The following HESX1 variants were observed in gnomAD, a reference collection of about 807,000 sequenced individuals.
HESX1 encodes HESX homeobox 1.
Under a neutral mutation model 22.5 loss-of-function variants are expected in HESX1, and 11 were observed. That is an observed-to-expected ratio of 0.49 (90% CI 0.31 to 0.81). The LOEUF is 0.81. Ranked by LOEUF, HESX1 falls within the 30% of genes least tolerant of loss-of-function variation. HESX1 has a pLI of 0.05. For synonymous variants in HESX1, 74 were observed against 76.5 expected (o/e 0.97, Z 0.17); for missense variants, 201 against 212.6 (o/e 0.95, Z 0.34).
intron 1 of HESX1, among the ~76,000 whole-genome samples, chr3:57,223,521 G>A (rs2060626556): frequency 6.6e-6 from 1 of 152,192 alleles, no homozygotes; most frequent in South Asian, 2.1e-4. Context: ...GTGGCACAAT[G>A]AAGAACCAAC....
At chr3:57,210,496 C>A (rs1318104509) in intron 1 of HESX1, among the ~76,000 whole-genome samples, 3 of 152,140 alleles carry the variant, frequency 2.0e-5, no homozygotes, top group Admixed American at 2.0e-4. Flanking sequence ...TCCAGTGAAC[C>A]TTGCCCCTTC....
At chr3:57,220,498 T>G (rs937033883) in intron 1 of HESX1, among the ~76,000 whole-genome samples, 1 of 152,140 alleles carries the variant, frequency 6.6e-6, no homozygotes, top group Non-Finnish European at 1.5e-5. Flanking sequence ...GGTGCGATCT[T>G]GGCTCACCGC....
intron 1 of HESX1, among the ~76,000 whole-genome samples, chr3:57,217,180 G>A (rs1310698584): frequency 6.6e-6 from 1 of 152,092 alleles, no homozygotes; most frequent in Non-Finnish European, 1.5e-5. Context: ...CAAAATCTGG[G>A]CTGTATGTGT....
intron 1 of HESX1, among the ~76,000 whole-genome samples, chr3:57,208,296 A>T (rs78763738): frequency 1.1e-4 from 16 of 152,246 alleles, no homozygotes; most frequent in African/African-American, 3.9e-4. Flanking sequence ...TTAACTTGTC[A>T]ATGTTATGTA....
At chr3:57,201,623 G>C (rs2060486929), upstream of HESX1, among the ~76,000 whole-genome samples, 1 of 149,788 alleles carries the variant, frequency 6.7e-6, no homozygotes, top group Non-Finnish European at 1.5e-5. Flanking sequence ...GGGTAAGAAT[G>C]AGAAAAGGAA....
intron 1 of HESX1, among the ~76,000 whole-genome samples, chr3:57,213,152 A>G (rs965734758): frequency 6.6e-6 from 1 of 152,202 alleles, no homozygotes; most frequent in African/African-American, 2.4e-5. Context: ...TTATCAATCT[A>G]TACCCCAGAT....
chr3:57,199,611 CTCTG>C (rs1382783849), intron 1 of HESX1, 147 bp downstream of exon 1: 3 of 384,126 alleles, frequency 7.8e-6, no homozygotes, highest in Non-Finnish European at 7.9e-6. Context: ...AAGACCAACA[CTCTG>C]TCTCAGAAAA....
At chr3:57,202,619 G>T (rs1164915265), upstream of HESX1, among the ~76,000 whole-genome samples, 2 of 152,194 alleles carry the variant, frequency 1.3e-5, no homozygotes, top group Admixed American at 1.3e-4. Context: ...TTACAGGTGT[G>T]AGCCACCACC....
chr3:57,212,557 C>CAAAAAAAAAAAAAA (rs56093005), intron 1 of HESX1, among the ~76,000 whole-genome samples: 864 of 79,970 alleles, frequency 0.011, 62 homozygotes, highest in African/African-American at 0.046. Flanking sequence ...GACTCTGTCT[C>CAAAAAAAAAAAAAA]AAAAAAAAAA....
chr3:57,217,831 G>A (rs1443958948), intron 1 of HESX1, among the ~76,000 whole-genome samples: 2 of 151,812 alleles, frequency 1.3e-5, no homozygotes, highest in South Asian at 2.1e-4. Flanking sequence ...TCCAACATCC[G>A]GCCACCAAAC....
chr3:57,212,404 C>T (rs891208300), intron 1 of HESX1, among the ~76,000 whole-genome samples: 1 of 151,746 alleles, frequency 6.6e-6, no homozygotes, highest in Non-Finnish European at 1.5e-5. Flanking sequence ...ACTAAAAATA[C>T]AAAAATTAGC....
chr3:57,199,531 A>G (rs1288795645), intron 1 of HESX1, among the ~76,000 whole-genome samples: 2 of 152,030 alleles, frequency 1.3e-5, no homozygotes, highest in African/African-American at 4.8e-5. Flanking sequence ...AGGCAGGAGA[A>G]TCGTTTGAAC....
intron 1 of HESX1, among the ~76,000 whole-genome samples, chr3:57,217,504 T>C (rs535564990): frequency 1.3e-5 from 2 of 152,258 alleles, no homozygotes; most frequent in African/African-American, 2.4e-5. Flanking sequence ...CTCACAGAGA[T>C]GGCTTCCTTA....
At chr3:57,224,872 TAC>T (rs1385286022) in intron 1 of HESX1, among the ~76,000 whole-genome samples, 3 of 152,340 alleles carry the variant, frequency 2.0e-5, no homozygotes, top group Admixed American at 6.5e-5. Context: ...TTGTAAATTA[TAC>T]GTGTGAAATG....
chr3:57,215,322 G>A (rs2060576988), intron 1 of HESX1, among the ~76,000 whole-genome samples: 1 of 152,156 alleles, frequency 6.6e-6, no homozygotes, highest in South Asian at 2.1e-4. Flanking sequence ...TCTCAGTGGT[G>A]TCTAGGTTCT....
At chr3:57,225,574 C>T (rs2060637020) in intron 1 of HESX1, among the ~76,000 whole-genome samples, 1 of 152,160 alleles carries the variant, frequency 6.6e-6, no homozygotes, top group Non-Finnish European at 1.5e-5. Context: ...ATCTCTTGAC[C>T]TCTTGATCCG....
chr3:57,209,919 T>C (rs927393897), intron 1 of HESX1, among the ~76,000 whole-genome samples: 1 of 152,196 alleles, frequency 6.6e-6, no homozygotes, highest in Non-Finnish European at 1.5e-5. Context: ...TTTTATCATT[T>C]GGTAGCTGAG....
Position 57,198,459 on chromosome 3 carries a change from A to G in HESX1, c.391T>C (p.Cys131Arg). 6.2e-7 allele frequency: 1 copy of G among 1,603,770 alleles called. No individual in the cohort carries two copies. Among genetic ancestry groups the G allele is most frequent in the Non-Finnish European group, 8.5e-7 (1 of 1,171,530 alleles). The change falls in exon 3 of 4, where the codon TGC (cysteine) becomes CGC (arginine). Residue 131 changes from cysteine to arginine, a missense_variant. Physicochemically the swap from Cys to Arg is radical, Grantham distance 180. Coordinates refer to ENST00000295934, the MANE Select transcript of HESX1 (RefSeq NM_003865.3). Reference protein sequence around the residue: ...EVLENVFRVNCYPGIDIREDL... With the variant: ...EVLENVFRVNRYPGIDIREDL... Reference sequence around the variant, plus strand: ...TCTCTAATATCGATACCAGGATAGCAGTTTACTCTAAAGACATTTTCTAAC... The same window carrying G: ...TCTCTAATATCGATACCAGGATAGCGGTTTACTCTAAAGACATTTTCTAAC...
intron 1 of HESX1, among the ~76,000 whole-genome samples, chr3:57,218,271 A>C (rs750178149): frequency 3.3e-5 from 5 of 151,634 alleles, no homozygotes; most frequent in Non-Finnish European, 7.4e-5. Context: ...CTCCACCCTC[A>C]AGCAGGCCCC....
Sources: allele counts gnomAD v4.1 joint callset (sites outside exome capture counted in the v4.1 genomes callset), GRCh38; gene constraint gnomAD v4.1.1; transcripts MANE v1.5; gene names NCBI Gene and HGNC (gene_info 2026-07-23, HGNC 2026-07-21).